NLRP2: variants seen among roughly 807,000 people sequenced by gnomAD.
NLRP2 encodes the protein NACHT, LRR and PYD domains-containing protein 2.
In NLRP2, 107 loss-of-function variants were observed where a neutral mutation model predicts 97.2. The ratio of observed to expected loss-of-function variants is 1.10; its 90% CI spans 0.94 to 1.29. The LOEUF is 1.29. Among genes scored for constraint, NLRP2 ranks in the 50% most tolerant of loss-of-function variants. The probability of loss-of-function intolerance (pLI) is 0.00; values close to 1 mark genes in which losing one functional copy is unlikely to be tolerated. For missense variants in NLRP2, 1,495 were observed against 1,330.3 expected (o/e 1.12, Z -1.93); for synonymous variants, 663 against 551.5 (o/e 1.20, Z -2.83).
chr19:54,985,222 G>C lies in NLRP2; in HGVS notation c.2201+5G>C. 2 of 1,613,390 alleles carry C rather than the reference G, an allele frequency of 1.2e-6. No individual in the cohort carries two copies. The highest frequency in any genetic ancestry group is 1.7e-6 in the Non-Finnish European group (2 of 1,179,548). ...CTGTCATCTCCAGAGAGTGGTGTAAGTAGAAACTAATTCATGAACTCAAAT... is the reference window on the plus strand; with the variant it reads ...CTGTCATCTCCAGAGAGTGGTGTAACTAGAAACTAATTCATGAACTCAAAT... On this transcript the variant is annotated splice_donor_5th_base_variant and intron_variant, in intron 7 of 12. Coordinates refer to ENST00000448584, the MANE Select transcript of NLRP2 (RefSeq NM_017852.5).
At position 54,970,051 on chromosome 19, in the gene NLRP2, G is replaced by A. The variant is rs1426278413; in HGVS notation, c.36G>A (p.Gln12=). The A allele has an allele frequency of 2.5e-6, 4 of 1,613,990 alleles. No individual in the cohort carries two copies. The highest frequency in any genetic ancestry group is 1.3e-5 in the African/African-American group (1 of 75,000). The change falls in exon 2 of 13, where the codon CAG becomes CAA. Residue 12 remains glutamine, a synonymous_variant. Transcript: ENST00000448584. ...VSSAQMGFNL[Q]ALLEQLSQDE... ...CGGCGCAGATGGGCTTCAACCTGCA[G>A]GCTCTCCTGGAGCAGCTCAGCCAGG...
At chr19:54,969,729 G>A (rs539978310) in intron 1 of NLRP2, among the ~76,000 whole-genome samples, 2 of 152,228 alleles carry the variant, frequency 1.3e-5, no homozygotes, top group East Asian at 3.9e-4. Context: ...GCACAATCAA[G>A]GCTCACTGCA....
rs745584290 is a variant in NLRP2, at chr19:54,990,003, G to C, written c.2367-19G>C. Reference sequence around the variant, plus strand: ...CTCAAAAAAAAAAAAAAAATGACGTGGTCCTATTTCTCCCACAGGTTGGTG... The same window carrying C: ...CTCAAAAAAAAAAAAAAAATGACGTCGTCCTATTTCTCCCACAGGTTGGTG... On this transcript the variant is annotated intron_variant, in intron 8 of 12. Transcript: ENST00000448584. The C allele has an allele frequency of 5.6e-6, 9 of 1,610,302 alleles. No homozygotes were observed. Among genetic ancestry groups the C allele is most frequent in the African/African-American group, 4.0e-5 (3 of 74,620 alleles).
intron 12 of NLRP2, among the ~76,000 whole-genome samples, chr19:54,998,611 C>CTTTTTTTTTTTTTTTTTTTTTTTTTTTTT (rs375510249): frequency 9.5e-5 from 4 of 42,198 alleles, no homozygotes; most frequent in Admixed American, 3.6e-4. Context: ...CATCTTTTTT[C>CTTTTTTTTTTTTTTTTTTTTTTTTTTTTT]TTTTTTTTTT....
chr19:55,000,926 A>G lies in NLRP2; in HGVS notation c.*28A>G. On this transcript the variant is annotated 3_prime_UTR_variant, in exon 13 of 13. Coordinates refer to ENST00000448584, the MANE Select transcript of NLRP2 (RefSeq NM_017852.5). ...CCCCCCGAGTCATTCATTCTCCATG[A>G]AGTCATCGATTTTCCAGGTGTTGGT... is the stretch of plus-strand genomic sequence containing the variant. The G allele has an allele frequency of 6.2e-7, 1 of 1,612,022 alleles. No homozygotes were observed.
intron 7 of NLRP2, among the ~76,000 whole-genome samples, chr19:54,985,699 GAAA>G (rs1475549245): frequency 1.6e-5 from 2 of 126,140 alleles, no homozygotes; most frequent in African/African-American, 6.2e-5. Flanking sequence ...AAAAAAAAAA[GAAA>G]AAGAAAAAAA....
intron 8 of NLRP2, among the ~76,000 whole-genome samples, chr19:54,988,889 G>C (rs1168438472): frequency 6.6e-6 from 1 of 152,070 alleles, no homozygotes. Flanking sequence ...AGGTTAGTGG[G>C]CTGGGTATGG....
intron 7 of NLRP2, among the ~76,000 whole-genome samples, chr19:54,985,684 A>T (rs2072014169): frequency 7.1e-6 from 1 of 140,436 alleles, no homozygotes; most frequent in Non-Finnish European, 1.6e-5. Flanking sequence ...TCTCAAAAAA[A>T]AAAAAAAAAA....
At chr19:54,985,700 AAAAAG>A (rs1261669155) in intron 7 of NLRP2, among the ~76,000 whole-genome samples, 1 of 136,396 alleles carries the variant, frequency 7.3e-6, no homozygotes, top group African/African-American at 3.4e-5. Flanking sequence ...AAAAAAAAAG[AAAAAG>A]AAAAAAAGGG....
At chr19:54,992,932 T>G (rs1029810703) in intron 10 of NLRP2, among the ~76,000 whole-genome samples, 1 of 152,056 alleles carries the variant, frequency 6.6e-6, no homozygotes, top group Non-Finnish European at 1.5e-5. Context: ...ATGTGGGTTT[T>G]CCTCCATTAC....
At chr19:54,967,888 C>T (rs529148885) in intron 1 of NLRP2, among the ~76,000 whole-genome samples, 1 of 150,904 alleles carries the variant, frequency 6.6e-6, no homozygotes, top group Non-Finnish European at 1.5e-5. Flanking sequence ...GTGTTATACC[C>T]TTTCTGTAAA....
At chr19:54,995,789 CCT>C (rs1337601332) in intron 11 of NLRP2, among the ~76,000 whole-genome samples, 1 of 151,568 alleles carries the variant, frequency 6.6e-6, no homozygotes, top group African/African-American at 2.4e-5. Flanking sequence ...TGCCTGTAAT[CCT>C]GGCATTTTGG....
rs1325316723 is a variant in NLRP2, at chr19:54,992,582, T to TC, written c.2709-1687_2709-1686insC. On this transcript the variant is annotated intron_variant, in intron 10 of 12. Coordinates refer to ENST00000448584, the MANE Select transcript of NLRP2 (RefSeq NM_017852.5). ...TTTTTTTTTTTTTTTTGGTTTTTTTTTTTTGATAGTCTTGCTCTGTCGCCC... is the reference window on the plus strand; with the variant it reads ...TTTTTTTTTTTTTTTTGGTTTTTTTTCTTTTGATAGTCTTGCTCTGTCGCCC... Among the ~76,000 whole-genome samples the TC allele has an allele frequency of 2.0e-5, 3 of 147,544 alleles. No individual in the cohort carries two copies. The East Asian group carries it at 6.0e-4, about 29-fold the overall frequency.
chr19:54,977,874 C>A (rs757410537), intron 4 of NLRP2, 51 bp downstream of exon 4: 3 of 1,518,198 alleles, frequency 2.0e-6, no homozygotes, highest in South Asian at 2.2e-5. Flanking sequence ...GCCCCCCGTT[C>A]TTGCTGCTAT....
chr19:54,988,261 A>T (rs1283542656), intron 8 of NLRP2, among the ~76,000 whole-genome samples: 1 of 152,028 alleles, frequency 6.6e-6, no homozygotes, highest in Non-Finnish European at 1.5e-5. Flanking sequence ...GTGAGGGGGA[A>T]TATTGGGTGA....
At chr19:54,996,340 GTC>G (rs1432848049) in intron 11 of NLRP2, among the ~76,000 whole-genome samples, 1 of 151,952 alleles carries the variant, frequency 6.6e-6, no homozygotes, top group African/African-American at 2.4e-5. Flanking sequence ...GTGAAACCCT[GTC>G]TCTCTAAAAC....
chr19:54,994,351 G>C lies in NLRP2; in HGVS notation c.2791G>C (p.Asp931His). Residue 931 changes from aspartate (D) to histidine (H), a missense_variant, in exon 11 of 13, where the codon GAT (aspartate) becomes CAT (histidine). Physicochemically the swap from Asp to His is moderately conservative, Grantham distance 81. Transcript: ENST00000448584. ...AGAAAAATCAAGCCTGTTGTGTTTG[G>C]ATCTGGGGCTGAATCACATAGGAGT... Reference protein sequence around the residue: ...LQEKSSLLCLDLGLNHIGVKG... With the variant: ...LQEKSSLLCLHLGLNHIGVKG... 1 of 1,614,124 alleles carries C rather than the reference G, an allele frequency of 6.2e-7. No homozygotes were observed. The highest frequency in any genetic ancestry group is 8.5e-7 in the Non-Finnish European group (1 of 1,180,050).
At chr19:54,975,106 G>GTTTTGTTTTTTTT (rs2071120773) in intron 3 of NLRP2, among the ~76,000 whole-genome samples, 3 of 58,706 alleles carry the variant, frequency 5.1e-5, no homozygotes, top group East Asian at 5.0e-4. Flanking sequence ...ACCCGGTTTT[G>GTTTTGTTTTTTTT]TTTTTTTTTT....
At position 54,990,197 on chromosome 19, in the gene NLRP2, GTC is replaced by G. The variant is rs756302043; in HGVS notation, c.2537+10_2537+11del. 1.2e-6 allele frequency: 2 copies of G among 1,614,024 alleles called. No individual in the cohort carries two copies. The highest frequency in any genetic ancestry group is 1.7e-6 in the Non-Finnish European group (2 of 1,179,934). ...GTGCTTTCTGCAGAGGTTGTCGTAA[GTC>G]TCTCCTCTCTTACAGAGCAGCTGTG... On this transcript the variant is annotated splice_donor_region_variant and intron_variant, in intron 9 of 12. Coordinates refer to ENST00000448584, the MANE Select transcript of NLRP2 (RefSeq NM_017852.5).
Sources: gnomAD v4.1 joint callset for allele counts (sites outside exome capture counted in the v4.1 genomes callset) on GRCh38, gnomAD v4.1.1 for gene constraint, MANE v1.5 for transcripts, NCBI Gene and HGNC (gene_info 2026-07-23, HGNC 2026-07-21) for gene names.